The following STMND1 variants were observed in gnomAD, a reference collection of about 807,000 sequenced individuals.
The protein encoded by STMND1 is stathmin domain-containing protein 1.
In STMND1, 17 loss-of-function variants were observed where a neutral mutation model predicts 23.0. That is an observed-to-expected ratio of 0.74 (90% confidence interval 0.51 to 1.11). The LOEUF is 1.11. STMND1 is among the 50% of genes least tolerant of loss of function. STMND1 has a pLI of 0.00. For missense variants in STMND1, 305 were observed against 329.1 expected, an observed-to-expected ratio of 0.93 and a Z score of 0.57; for synonymous variants, 114 against 119.9, an observed-to-expected ratio of 0.95 and a Z score of 0.32.
intron 3 of STMND1, among the ~76,000 whole-genome samples, chr6:17,121,147 C>A (rs1761228577): frequency 6.6e-6 from 1 of 152,182 alleles, no homozygotes; most frequent in Non-Finnish European, 1.5e-5. Context: ...TGAAGAGGTG[C>A]CTTCCACCAT....
intron 1 of STMND1, among the ~76,000 whole-genome samples, chr6:17,106,973 G>A (rs1761033333): frequency 6.6e-6 from 1 of 152,128 alleles, no homozygotes. Context: ...TTATAAAAGA[G>A]GAGAGGCTGG....
chr6:17,110,749 C>T (rs918873550), intron 1 of STMND1: 4 of 453,058 alleles, frequency 8.8e-6, no homozygotes, highest in Non-Finnish European at 1.8e-5. Context: ...GCCTGGGTGA[C>T]AGAGCAAGAC....
Position 17,130,731 on chromosome 6 carries a change from T to TGAACCATCTGACCTGCAGGGAGGA in STMND1, c.682_705dup (p.Glu228_Gly235dup). The TGAACCATCTGACCTGCAGGGAGGA allele has an allele frequency of 6.5e-7, 1 of 1,536,078 alleles. No homozygotes were observed. The highest frequency in any genetic ancestry group is 8.7e-7 in the Non-Finnish European group (1 of 1,146,902). ...TTCAAAGGGTGAGGTCTGCTGGATT[T>TGAACCATCTGACCTGCAGGGAGGA]GAACCATCTGACCTGCAGGGAGGAA... is the stretch of plus-strand genomic sequence containing the variant. On this transcript the variant is annotated inframe_insertion, in exon 5 of 5. Coordinates refer to ENST00000536551, the MANE Select transcript of STMND1 (RefSeq NM_001190766.2).
At chr6:17,106,931 T>G (rs1006414069) in intron 1 of STMND1, among the ~76,000 whole-genome samples, 5 of 152,160 alleles carry the variant, frequency 3.3e-5, no homozygotes, top group African/African-American at 1.2e-4. Context: ...AATGTTTTTC[T>G]TCTATGAGAA....
At chr6:17,126,724 C>A (rs1761311730) in intron 3 of STMND1, among the ~76,000 whole-genome samples, 1 of 152,188 alleles carries the variant, frequency 6.6e-6, no homozygotes, top group South Asian at 2.1e-4. Flanking sequence ...GAGGGAACTT[C>A]CTTTGACAAA....
chr6:17,110,960 A>G, intron 1 of STMND1: 3 of 449,348 alleles, frequency 6.7e-6, no homozygotes, highest in South Asian at 4.8e-5. Flanking sequence ...AAAGAGGGCC[A>G]GCACCTGGAG....
Position 17,102,206 on chromosome 6 carries a change from C to T in STMND1, c.-52C>T, listed in dbSNP as rs1368757142. On this transcript the variant is annotated 5_prime_UTR_variant, in exon 1 of 5. Transcript: ENST00000536551. ...GCGCCGGAGCGCGGCAGGGAGCGCT[C>T]GCGGGGGCGCACAGCAGCCAAGCCC... is the stretch of plus-strand genomic sequence containing the variant. 5.4e-6 allele frequency: 8 copies of T among 1,483,378 alleles called. No homozygotes were observed. The highest frequency in any genetic ancestry group is 2.8e-5 in the East Asian group (1 of 36,320). 91.9% of individuals were successfully genotyped at this position (1,483,378 alleles called of 1,614,324 possible).
intron 1 of STMND1, among the ~76,000 whole-genome samples, chr6:17,112,586 G>C (rs6920079): frequency 0.28 from 42,513 of 151,854 alleles, 6,358 homozygotes; most frequent in Middle Eastern, 0.34. Context: ...GACCATCCTG[G>C]CTAACACGGT....
intron 3 of STMND1, among the ~76,000 whole-genome samples, chr6:17,124,331 A>T (rs1206418799): frequency 6.6e-6 from 1 of 152,262 alleles, no homozygotes; most frequent in African/African-American, 2.4e-5. Context: ...GTTTAAAAAT[A>T]AGACTTCTTA....
chr6:17,118,621 A>G (rs1761189827), intron 2 of STMND1, among the ~76,000 whole-genome samples: 1 of 152,246 alleles, frequency 6.6e-6, no homozygotes, highest in Admixed American at 6.5e-5. Context: ...ATGGATCAGA[A>G]TGGTTACAAT....
chr6:17,121,791 A>G (rs1761235919), intron 3 of STMND1, among the ~76,000 whole-genome samples: 1 of 151,964 alleles, frequency 6.6e-6, no homozygotes, highest in Non-Finnish European at 1.5e-5. Context: ...TTAATCTGTC[A>G]TAGTTTTTCT....
chr6:17,112,889 C>A (rs1260562010), intron 1 of STMND1, among the ~76,000 whole-genome samples: 5 of 152,168 alleles, frequency 3.3e-5, no homozygotes, highest in Non-Finnish European at 7.3e-5. Flanking sequence ...ATTTGCCCAG[C>A]AATATATGAG....
intron 1 of STMND1, among the ~76,000 whole-genome samples, chr6:17,105,586 G>A (rs145858221): frequency 4.0e-5 from 6 of 149,958 alleles, no homozygotes; most frequent in African/African-American, 1.2e-4. Context: ...CGGAGATTGC[G>A]GGGTGAGCTG....
chr6:17,122,556 C>A (rs757554208), intron 3 of STMND1, among the ~76,000 whole-genome samples: 2 of 151,974 alleles, frequency 1.3e-5, no homozygotes, highest in Non-Finnish European at 1.5e-5. Flanking sequence ...AAGTTAATTT[C>A]CTTCTTTGTG....
Position 17,115,372 on chromosome 6 carries a change from TAAA to T in STMND1, c.259+253_259+255del, listed in dbSNP as rs75171969. On this transcript the variant is annotated intron_variant, in intron 2 of 4. Coordinates refer to ENST00000536551, the MANE Select transcript of STMND1 (RefSeq NM_001190766.2). ...TCAATGAAGTAATTAGGACCATCTT[TAAA>T]AAAAAAAAAAAAAAAAAAAGAACTA... 4.2e-3 allele frequency among the ~76,000 whole-genome samples: 483 copies of T among 116,086 alleles called. 8 individuals carry two copies. The highest frequency in any genetic ancestry group is 0.015 in the African/African-American group (463 of 30,708). The allele number at this position is 116,086 out of a possible 152,430, so 76.2% of individuals were successfully genotyped here.
chr6:17,103,566 CT>C (rs68161737), intron 1 of STMND1, among the ~76,000 whole-genome samples: 23,477 of 80,976 alleles, frequency 0.29, 1,035 homozygotes, highest in Middle Eastern at 0.4. Context: ...GACCCATTAC[CT>C]TTTTTTTTTT....
Position 17,120,270 on chromosome 6 carries a change from T to G in STMND1, c.260-337T>G, listed in dbSNP as rs1231425217. 2.0e-5 allele frequency among the ~76,000 whole-genome samples: 3 copies of G among 152,230 alleles called. No individual in the cohort carries two copies. The East Asian group carries it at 5.8e-4, about 29-fold the overall frequency. On this transcript the variant is annotated intron_variant, in intron 2 of 4. Transcript: ENST00000536551. ...ATCTGATTCTTAGCTGTGGTTTAGC[T>G]TCATAATTGGTCGAGCAAACCAACG...
At chr6:17,105,506 G>A (rs1006541897) in intron 1 of STMND1, among the ~76,000 whole-genome samples, 1 of 152,078 alleles carries the variant, frequency 6.6e-6, no homozygotes, top group Non-Finnish European at 1.5e-5. Context: ...TTAGCCGGGC[G>A]TGATGGCACA....
chr6:17,129,795 G>T (rs1761363249), intron 4 of STMND1, among the ~76,000 whole-genome samples: 1 of 151,944 alleles, frequency 6.6e-6, no homozygotes. Flanking sequence ...CGTGAGCCGA[G>T]ATTGTGCCAC....
Sources: gnomAD v4.1 joint callset for allele counts (sites outside exome capture counted in the v4.1 genomes callset) on GRCh38, gnomAD v4.1.1 for gene constraint, MANE v1.5 for transcripts, NCBI Gene and HGNC (gene_info 2026-07-23, HGNC 2026-07-21) for gene names.